Variants in FGGY observed in about 807,000 individuals in gnomAD.
FGGY encodes the protein FGGY carbohydrate kinase domain-containing protein.
Under a neutral mutation model 71.3 loss-of-function variants are expected in FGGY, and 72 were observed. The observed-to-expected ratio is 1.01, with a 90% CI of 0.84 to 1.23. The LOEUF (loss-of-function observed/expected upper bound fraction) is 1.23, where lower values mean the gene tolerates loss of function less well. Among genes scored for constraint, FGGY ranks in the 50% most tolerant of loss-of-function variants. The pLI is 0.00. For synonymous variants in FGGY, 251 were observed against 250.3 expected (o/e 1.00, Z -0.02); for missense variants, 668 against 682.3 (o/e 0.98, Z 0.23).
chr1:59,301,550 A>G (rs2042733328), intron 1 of FGGY, among the ~76,000 whole-genome samples: 3 of 152,076 alleles, frequency 2.0e-5, no homozygotes, highest in African/African-American at 7.2e-5. Context: ...TTTTTTCATT[A>G]TTAAGTATGA....
intron 5 of FGGY, among the ~76,000 whole-genome samples, chr1:59,405,255 G>A (rs754088943): frequency 3.3e-5 from 5 of 152,184 alleles, no homozygotes; most frequent in Non-Finnish European, 5.9e-5. Flanking sequence ...AAGATTAAAA[G>A]TTGCTTGTTA....
intron 1 of FGGY, among the ~76,000 whole-genome samples, chr1:59,303,534 G>A (rs577987817): frequency 6.6e-6 from 1 of 152,216 alleles, no homozygotes; most frequent in African/African-American, 2.4e-5. Flanking sequence ...TCATATCTTA[G>A]TTATTGTGAG....
intron 2 of FGGY, chr1:59,331,889 C>A (rs558211186): frequency 6.6e-6 from 1 of 152,208 alleles, no homozygotes; most frequent in Non-Finnish European, 1.5e-5. Context: ...ACTCCTCGCA[C>A]GCCCCCAAAG....
chr1:59,655,080 A>G (rs1027172757), intron 11 of FGGY, among the ~76,000 whole-genome samples: 5 of 152,128 alleles, frequency 3.3e-5, no homozygotes, highest in African/African-American at 1.2e-4. Context: ...TGGCTTCCCT[A>G]CACTGAACAG....
At chr1:59,571,180 ATAAT>A (rs957560433) in intron 8 of FGGY, among the ~76,000 whole-genome samples, 41 of 152,338 alleles carry the variant, frequency 2.7e-4, no homozygotes, top group Admixed American at 9.1e-4. Context: ...ACACTGGGAA[ATAAT>A]TAATAGGATA....
At chr1:59,611,555 A>G (rs1211341662) in intron 9 of FGGY, among the ~76,000 whole-genome samples, 1 of 152,194 alleles carries the variant, frequency 6.6e-6, no homozygotes, top group African/African-American at 2.4e-5. Flanking sequence ...GGGAAAAAAC[A>G]GAGCAGAAAA....
intron 5 of FGGY, among the ~76,000 whole-genome samples, chr1:59,385,209 C>G (rs1692544): frequency 0.021 from 3,193 of 152,046 alleles, 115 homozygotes; most frequent in African/African-American, 0.074. Context: ...TTTACCCATT[C>G]TCCCCTTTTA....
At chr1:59,663,810 T>C (rs890259802) in intron 12 of FGGY, among the ~76,000 whole-genome samples, 1 of 152,196 alleles carries the variant, frequency 6.6e-6, no homozygotes, top group African/African-American at 2.4e-5. Flanking sequence ...TGATAACAGA[T>C]ATTTTCCCAT....
At chr1:59,671,385 A>T (rs1207328449) in intron 13 of FGGY, among the ~76,000 whole-genome samples, 2 of 152,216 alleles carry the variant, frequency 1.3e-5, no homozygotes, top group Non-Finnish European at 2.9e-5. Context: ...CTGGGCTCAC[A>T]AGGGTGAGGG....
chr1:59,591,307 A>G (rs2096431527), intron 8 of FGGY, among the ~76,000 whole-genome samples: 1 of 152,222 alleles, frequency 6.6e-6, no homozygotes, highest in Non-Finnish European at 1.5e-5. Flanking sequence ...AACAAATGGA[A>G]GAACATTCCA....
Position 59,450,856 on chromosome 1 carries a change from A to T in FGGY, c.555-6105A>T, listed in dbSNP as rs183671812. 5.0e-3 allele frequency among the ~76,000 whole-genome samples: 753 copies of T among 152,086 alleles called. 6 individuals are homozygous for T. The highest frequency in any genetic ancestry group is 0.017 in the African/African-American group (704 of 41,524). On this transcript the variant is annotated intron_variant, in intron 5 of 15. Transcript: ENST00000303721. The stretch of plus-strand genomic sequence containing the variant: ...TTGATACTTATATTGTCATTTAAAA[A>T]TTTTTTTGTTTGTATTTGTTGTAGA...
At chr1:59,442,093 G>A (rs1344964597) in intron 5 of FGGY, among the ~76,000 whole-genome samples, 4 of 152,100 alleles carry the variant, frequency 2.6e-5, no homozygotes, top group Admixed American at 2.6e-4. Context: ...TCATGCAGAG[G>A]GTATGTTTCT....
At chr1:59,471,153 T>C (rs1289536947) in intron 6 of FGGY, among the ~76,000 whole-genome samples, 1 of 152,162 alleles carries the variant, frequency 6.6e-6, no homozygotes, top group African/African-American at 2.4e-5. Context: ...GGTGATTAGA[T>C]CCTGGGGGCT....
intron 14 of FGGY, among the ~76,000 whole-genome samples, chr1:59,750,607 C>A (rs2098237126): frequency 6.6e-6 from 1 of 152,100 alleles, no homozygotes; most frequent in South Asian, 2.1e-4. Flanking sequence ...TTCTCTCATC[C>A]CTTCCTGCTT....
At chr1:59,690,561 C>T (rs972684511) in intron 14 of FGGY, among the ~76,000 whole-genome samples, 3 of 152,156 alleles carry the variant, frequency 2.0e-5, no homozygotes, top group Non-Finnish European at 2.9e-5. Flanking sequence ...TCTCTTGCAC[C>T]GCCCTTAGAT....
At chr1:59,433,283 A>G (rs1199353875) in intron 5 of FGGY, among the ~76,000 whole-genome samples, 2 of 152,192 alleles carry the variant, frequency 1.3e-5, no homozygotes, top group African/African-American at 4.8e-5. Flanking sequence ...ATTGCCAGCT[A>G]TCTGCTGGGA....
chr1:59,399,463 A>G (rs532676370), intron 5 of FGGY, among the ~76,000 whole-genome samples: 1 of 152,306 alleles, frequency 6.6e-6, no homozygotes, highest in South Asian at 2.1e-4. Flanking sequence ...GAAGTTAAGA[A>G]ACTTTCCCAT....
In FGGY at chr1:59,584,358, G is replaced by C. The variant is rs570816087; in HGVS notation, c.904-23445G>C. Among the ~76,000 whole-genome samples, 18 of 150,146 alleles carry C rather than the reference G, an allele frequency of 1.2e-4. 2 individuals are homozygous for C. Among genetic ancestry groups the C allele is most frequent in the African/African-American group, 4.0e-4 (16 of 39,840 alleles). On this transcript the variant is annotated intron_variant, in intron 8 of 15. Transcript: ENST00000303721. ...GCTTCATCCCTGGGATGCAAGGCTT[G>C]TTCAGCATACACAAATCAATAAACA...
At chr1:59,313,495 C>G (rs1310813992) in intron 1 of FGGY, among the ~76,000 whole-genome samples, 1 of 151,918 alleles carries the variant, frequency 6.6e-6, no homozygotes, top group East Asian at 1.9e-4. Flanking sequence ...TGGGTGTCAG[C>G]AATTGCAAAA....
Sources: allele counts gnomAD v4.1 joint callset (sites outside exome capture counted in the v4.1 genomes callset), GRCh38; gene constraint gnomAD v4.1.1; transcripts MANE v1.5; gene names NCBI Gene and HGNC (gene_info 2026-07-23, HGNC 2026-07-21).